The following ZNF544 variants were observed in gnomAD, a reference collection of about 807,000 sequenced individuals.
The protein encoded by ZNF544 is zinc finger protein AF020591.
ZNF544 carries 10 observed loss-of-function variants against 13.5 expected under a neutral mutation model. That is an observed-to-expected ratio of 0.74 (90% CI 0.46 to 1.25). ZNF544 has a LOEUF of 1.25. Ranked by LOEUF, ZNF544 falls within the 50% of genes most tolerant of loss-of-function variation. ZNF544 has a pLI of 0.00. For missense variants in ZNF544, 896 were observed against 845.6 expected (o/e 1.06, Z -0.74); for synonymous variants, 323 against 300.5 (o/e 1.07, Z -0.77).
At chr19:58,234,643 A>G (rs1038599216) in intron 3 of ZNF544, among the ~76,000 whole-genome samples, 3 of 152,252 alleles carry the variant, frequency 2.0e-5, no homozygotes, top group African/African-American at 7.2e-5. Flanking sequence ...CTGTCTGGCA[A>G]TTCTGCTTTT....
chr19:58,274,100 C>G (rs2051022388), intron 5 of ZNF544, among the ~76,000 whole-genome samples: 1 of 152,014 alleles, frequency 6.6e-6, no homozygotes, highest in Admixed American at 6.6e-5. Context: ...GGCTCCTAAA[C>G]AGTTTTTGTT....
intron 6 of ZNF544, among the ~76,000 whole-genome samples, chr19:58,249,629 T>C (rs1600306612): frequency 1.3e-5 from 2 of 152,114 alleles, no homozygotes; most frequent in Non-Finnish European, 2.9e-5. Context: ...AGAGGCCCAG[T>C]TGGGTAGTTT....
chr19:58,250,276 C>T (rs890454831), intron 6 of ZNF544, among the ~76,000 whole-genome samples: 1 of 152,168 alleles, frequency 6.6e-6, no homozygotes, highest in Non-Finnish European at 1.5e-5. Flanking sequence ...CTGAGTTGCC[C>T]CAGCAGTTCT....
At position 58,260,913 on chromosome 19, in the gene ZNF544, C is replaced by T. The variant is rs201546138; in HGVS notation, c.307C>T (p.Leu103=). ...NSEKDRAREE[L]SHHVEVYRSG... is the part of the protein sequence containing the mutation. ...TGAAAAAGATCGAGCTAGGGAAGAA[C>T]TATCCCACCACGTGGAAGTGTACAG... Residue 103 remains leucine, a synonymous_variant, in exon 7 of 7, where the codon CTA becomes TTA. Coordinates refer to ENST00000687789, the MANE Select transcript of ZNF544 (RefSeq NM_014480.4). 3.7e-6 allele frequency: 6 copies of T among 1,613,624 alleles called. No homozygotes were observed. Among genetic ancestry groups the T allele is most frequent in the Non-Finnish European group, 5.1e-6 (6 of 1,179,922 alleles).
chr19:58,269,272 T>C (rs889538119), intron 5 of ZNF544, among the ~76,000 whole-genome samples: 1 of 151,602 alleles, frequency 6.6e-6, no homozygotes, highest in African/African-American at 2.4e-5. Context: ...TCATCTCTAA[T>C]AAAAATTCAA....
chr19:58,274,143 G>T (rs977771549), intron 5 of ZNF544, among the ~76,000 whole-genome samples: 3 of 151,726 alleles, frequency 2.0e-5, no homozygotes, highest in African/African-American at 7.3e-5. Context: ...GGTGTATTAG[G>T]AATTAAAACG....
Position 58,261,107 on chromosome 19 carries a change from A to ACCTTCTACTTTAAG in ZNF544, c.510_523dup (p.Pro175LeufsTer2). On this transcript the variant is annotated frameshift_variant, in exon 7 of 7. Coordinates refer to ENST00000687789, the MANE Select transcript of ZNF544 (RefSeq NM_014480.4). LOFTEE classifies it low-confidence loss of function (END_TRUNC). ...TTGAACTTGGGGGAGGTTATTCTCT[A>ACCTTCTACTTTAAG]CCTTCTACTTTAAGCCTTCTACCTA... The ACCTTCTACTTTAAG allele has an allele frequency of 6.2e-7, 1 of 1,614,184 alleles. No individual in the cohort carries two copies. The highest frequency in any genetic ancestry group is 8.5e-7 in the Non-Finnish European group (1 of 1,180,036).
intron 6 of ZNF544, among the ~76,000 whole-genome samples, chr19:58,254,052 A>T (rs2046773274): frequency 1.3e-5 from 2 of 152,100 alleles, no homozygotes; most frequent in Admixed American, 1.3e-4. Flanking sequence ...GTGAAACCCC[A>T]TCTCTACTAA....
downstream of ZNF544, among the ~76,000 whole-genome samples, chr19:58,268,425 A>C (rs2050209262): frequency 6.6e-6 from 1 of 152,248 alleles, no homozygotes; most frequent in Admixed American, 6.5e-5. Context: ...TTTAGTGAGA[A>C]ACAGAATGCT....
chr19:58,244,226 A>G (rs2044561256), intron 4 of ZNF544, among the ~76,000 whole-genome samples, 170 bp downstream of exon 4: 2 of 151,992 alleles, frequency 1.3e-5, no homozygotes, highest in South Asian at 4.1e-4. Context: ...ACCCGTCACC[A>G]GCATGGACGA....
intron 6 of ZNF544, among the ~76,000 whole-genome samples, chr19:58,248,761 TGAAG>T (rs2045819120): frequency 1.3e-5 from 2 of 152,078 alleles, no homozygotes; most frequent in African/African-American, 4.8e-5. Flanking sequence ...AATGAAAGAA[TGAAG>T]CAAAAAAAGC....
rs1600287251 is a variant in ZNF544, at chr19:58,246,647, G to C, written c.161-64G>C. On this transcript the variant is annotated intron_variant, in intron 5 of 6. Transcript: ENST00000687789. ...GGGACAGCACTAGGGGCTGAAGCTT[G>C]GACCCAGGACATGGTTCTTGGTGTC... 3.8e-6 allele frequency: 6 copies of C among 1,582,388 alleles called. No individual in the cohort carries two copies. In the East Asian group the frequency reaches 1.1e-4, roughly 29 times the overall value.
chr19:58,245,380 C>A (rs1014961567), intron 4 of ZNF544, among the ~76,000 whole-genome samples: 5 of 151,668 alleles, frequency 3.3e-5, no homozygotes, highest in Non-Finnish European at 7.4e-5. Context: ...CAGCTCACTG[C>A]AACCTCTGCC....
chr19:58,262,152 G>A lies in ZNF544; in HGVS notation c.1546G>A (p.Gly516Arg). 1.9e-6 allele frequency: 3 copies of A among 1,613,498 alleles called. No homozygotes were observed. Among genetic ancestry groups the A allele is most frequent in the Non-Finnish European group, 2.5e-6 (3 of 1,179,938 alleles). ...TGTTGTACATCAGAGGACACACACT[G>A]GAGAGAAGCCCTATGAGTGCAACCT... ...DLVVHQRTHT[G>R]EKPYECNLCG... Residue 516 changes from glycine to arginine, a missense_variant, in exon 7 of 7, where the codon GGA (glycine) becomes AGA (arginine). Physicochemically the swap from Gly to Arg is moderately radical, Grantham distance 125 (BLOSUM62 -2). Transcript: ENST00000687789.
At position 58,246,808 on chromosome 19, in the gene ZNF544, T is replaced by C; in HGVS notation, c.244+14T>C. On this transcript the variant is annotated intron_variant, in intron 6 of 6. Transcript: ENST00000687789. ...AGGCCCCCCGAGGTAAGAGCAGACC[T>C]TGTGGTGAGCAGCTCAACGTTTAAC... is the stretch of plus-strand genomic sequence containing the variant. The C allele has an allele frequency of 6.2e-7, 1 of 1,612,238 alleles. No homozygotes were observed.
intron 3 of ZNF544, among the ~76,000 whole-genome samples, chr19:58,230,813 T>C (rs1178879125): frequency 6.6e-6 from 1 of 152,128 alleles, no homozygotes. Context: ...TGGATTCATC[T>C]TGACCAGGGA....
intron 6 of ZNF544, among the ~76,000 whole-genome samples, chr19:58,254,216 TC>T (rs1207272111): frequency 6.6e-6 from 1 of 150,652 alleles, no homozygotes; most frequent in African/African-American, 2.4e-5. Flanking sequence ...AGAACGAGAC[TC>T]CATCTCAAAA....
At chr19:58,272,366 A>G (rs2050737443) in intron 5 of ZNF544, among the ~76,000 whole-genome samples, 1 of 152,004 alleles carries the variant, frequency 6.6e-6, no homozygotes, top group Non-Finnish European at 1.5e-5. Flanking sequence ...GTTTGAGATT[A>G]GACTGGGCAA....
Position 58,262,489 on chromosome 19 carries a change from G to A in ZNF544, c.1883G>A (p.Gly628Glu). 3.7e-6 allele frequency: 6 copies of A among 1,614,184 alleles called. No individual in the cohort carries two copies. Among genetic ancestry groups the A allele is most frequent in the Non-Finnish European group, 5.1e-6 (6 of 1,180,034 alleles). Residue 628 changes from glycine (G) to glutamate (E), a missense_variant, in exon 7 of 7, where the codon GGG (glycine) becomes GAG (glutamate). Physicochemically the swap from Gly to Glu is moderately conservative, Grantham distance 98. Coordinates refer to ENST00000687789, the MANE Select transcript of ZNF544 (RefSeq NM_014480.4). ...ATCAGGCATCTGCAAATTCACACTG[G>A]GGAGAAGCCGTACAAATGCAATCAG... The part of the protein sequence containing the change: ...QLIRHLQIHT[G>E]EKPYKCNQCN...
Sources: allele counts gnomAD v4.1 joint callset (sites outside exome capture counted in the v4.1 genomes callset), GRCh38; gene constraint gnomAD v4.1.1; transcripts MANE v1.5; gene names NCBI Gene and HGNC (gene_info 2026-07-23, HGNC 2026-07-21).